The following RAP1B variants were observed in gnomAD, a reference collection of about 807,000 sequenced individuals.
RAP1B encodes ras-related protein Rap-1b.
Under a neutral mutation model 27.5 loss-of-function variants are expected in RAP1B, and 1 was observed. The observed-to-expected ratio is 0.04, with a 90% CI of 0.01 to 0.17. The LOEUF is 0.17. Ranked by LOEUF, RAP1B falls within the 10% of genes least tolerant of loss-of-function variation. RAP1B has a pLI of 1.00. For synonymous variants in RAP1B, 75 were observed against 73.1 expected, an observed-to-expected ratio of 1.03 and a Z score of -0.13; for missense variants, 84 against 214.8, an observed-to-expected ratio of 0.39 and a Z score of 3.81.
intron 1 of RAP1B, among the ~76,000 whole-genome samples, chr12:68,614,162 T>C (rs1489854540): frequency 6.6e-6 from 1 of 151,954 alleles, no homozygotes; most frequent in Non-Finnish European, 1.5e-5. Flanking sequence ...CACGTTCAGG[T>C]TTTTTTTGCC....
rs1874750441 is a variant in RAP1B, at chr12:68,664,221, A to G, written c.*4972A>G. On this transcript the variant is annotated 3_prime_UTR_variant, in exon 8 of 8. Coordinates refer to ENST00000250559, the MANE Select transcript of RAP1B (RefSeq NM_001010942.3). ...CACTTCAGTCAGGTTTCAGTTTTTA[A>G]ATAGGCAGAGATCAAAAGCCTCTAA... is the stretch of plus-strand genomic sequence containing the variant. The G allele has an allele frequency of 6.6e-6, 1 of 152,232 alleles. No individual in the cohort carries two copies. The allele number at this position is 152,232 out of a possible 1,614,324, so 9.4% of individuals were successfully genotyped here. A position where few individuals can be genotyped will look rare whatever the true frequency, so the allele number is the denominator to read the frequency against.
At chr12:68,614,662 G>A (rs531656668) in intron 1 of RAP1B, among the ~76,000 whole-genome samples, 2 of 152,306 alleles carry the variant, frequency 1.3e-5, no homozygotes, top group Admixed American at 6.5e-5. Flanking sequence ...GTTTTTGTTA[G>A]CCTTTTCAAA....
intron 7 of RAP1B, among the ~76,000 whole-genome samples, chr12:68,657,894 A>G (rs561388018): frequency 1.3e-5 from 2 of 150,740 alleles, no homozygotes; most frequent in East Asian, 3.9e-4. Context: ...CACACCCCTG[A>G]CATGTTCATC....
At chr12:68,629,038 T>C (rs753438827) in intron 1 of RAP1B, among the ~76,000 whole-genome samples, 5 of 152,226 alleles carry the variant, frequency 3.3e-5, no homozygotes, top group Non-Finnish European at 7.3e-5. Flanking sequence ...TGTCTCTGTC[T>C]ATTTTGAGAC....
At chr12:68,631,566 A>G (rs986914328) in intron 1 of RAP1B, among the ~76,000 whole-genome samples, 3 of 152,186 alleles carry the variant, frequency 2.0e-5, no homozygotes, top group Non-Finnish European at 4.4e-5. Context: ...TTATTTTCCT[A>G]TTCCTTTGTG....
chr12:68,669,938 T>TTTC lies in RAP1B; in HGVS notation c.*10691_*10692insCTT, dbSNP rs1875017278. 7.8e-6 allele frequency: 1 copy of TTTC among 128,776 alleles called. No individual in the cohort carries two copies. The highest frequency in any genetic ancestry group is 1.5e-5 in the Non-Finnish European group (1 of 65,300). 8.0% of individuals were successfully genotyped at this position (128,776 alleles called of 1,614,324 possible). On this transcript the variant is annotated 3_prime_UTR_variant, in exon 8 of 8. Transcript: ENST00000250559. ...AAAAATATATTTCTTTTTCTTTCTT[T>TTTC]TTTTTTTTTTTTTTTTTGAGACAGT...
Position 68,633,148 on chromosome 12 carries a change from A to G in RAP1B, c.-26-15551A>G, listed in dbSNP as rs534530613. Among the ~76,000 whole-genome samples the G allele has an allele frequency of 3.3e-5, 5 of 152,288 alleles. No homozygotes were observed. In the East Asian group the frequency reaches 9.6e-4, roughly 29 times the overall value. On this transcript the variant is annotated intron_variant, in intron 1 of 7. Coordinates refer to ENST00000250559, the MANE Select transcript of RAP1B (RefSeq NM_001010942.3). ...ACATCATCAGAGTTCATTGGGTGAC[A>G]TCTTACATCTAAAACCTTAAAACTA...
rs1286634287 is a variant in RAP1B at position 68,662,811 on chromosome 12, CAT to C, written c.*3564_*3565del. 1 of 151,712 alleles carries C rather than the reference CAT, an allele frequency of 6.6e-6. No homozygotes were observed. Among genetic ancestry groups the C allele is most frequent in the Non-Finnish European group, 1.5e-5 (1 of 67,960 alleles). The allele number at this position is 151,712 out of a possible 1,614,324, so 9.4% of individuals were successfully genotyped here. ...AAAACAAATCTGACAGCCTGGGCAA[CAT>C]AGACCCCATCTCTACAAAAAAAAAT... On this transcript the variant is annotated 3_prime_UTR_variant, in exon 8 of 8. Transcript: ENST00000250559.
rs1414538925 is a variant in RAP1B at position 68,666,362 on chromosome 12, G to C, written c.*7113G>C. On this transcript the variant is annotated 3_prime_UTR_variant, in exon 8 of 8. Transcript: ENST00000250559. Reference sequence around the variant, plus strand: ...TGTCCTAGTTTAAAAGTATATATTAGTTTCCTAGGGCTGCTGTAACAAATT... The same window carrying C: ...TGTCCTAGTTTAAAAGTATATATTACTTTCCTAGGGCTGCTGTAACAAATT... 6.6e-6 allele frequency: 1 copy of C among 152,120 alleles called. No individual in the cohort carries two copies. Among genetic ancestry groups the C allele is most frequent in the East Asian group, 1.9e-4 (1 of 5,200 alleles). 9.4% of individuals were successfully genotyped at this position (152,120 alleles called of 1,614,324 possible).
At chr12:68,627,719 A>G (rs1339362411) in intron 1 of RAP1B, among the ~76,000 whole-genome samples, 1 of 152,216 alleles carries the variant, frequency 6.6e-6, no homozygotes, top group East Asian at 1.9e-4. Flanking sequence ...ATAGATGTAC[A>G]GGGTATGTTA....
intron 1 of RAP1B, among the ~76,000 whole-genome samples, chr12:68,648,298 T>C (rs745943301): frequency 3.3e-5 from 5 of 152,212 alleles, no homozygotes; most frequent in African/African-American, 7.2e-5. Context: ...ACATATTATA[T>C]TTACCATTTA....
rs1354818930 is a variant in RAP1B, at chr12:68,665,194, G to A, written c.*5945G>A. ...GGGTATGGTACAGCAGGTAGTTATG[G>A]GGAGACCTCTACTGTTCTAAATGAG... On this transcript the variant is annotated 3_prime_UTR_variant, in exon 8 of 8. Transcript: ENST00000250559. 1 of 152,194 alleles carries A rather than the reference G, an allele frequency of 6.6e-6. No individual in the cohort carries two copies. The highest frequency in any genetic ancestry group is 1.9e-4 in the East Asian group (1 of 5,198). The allele number at this position is 152,194 out of a possible 1,614,324, so 9.4% of individuals were successfully genotyped here.
chr12:68,653,689 G>A (rs1261283276), intron 4 of RAP1B, among the ~76,000 whole-genome samples: 2 of 152,116 alleles, frequency 1.3e-5, no homozygotes, highest in Non-Finnish European at 2.9e-5. Context: ...AGCACTTTGG[G>A]AGGCCGAGAC....
intron 1 of RAP1B, among the ~76,000 whole-genome samples, chr12:68,612,756 T>TA: frequency 6.6e-6 from 1 of 152,346 alleles, no homozygotes; most frequent in Non-Finnish European, 1.5e-5. Context: ...GCCTGAATGA[T>TA]AGTCTTATTT....
rs1565677714 is a variant in RAP1B at position 68,662,563 on chromosome 12, ACTTTT to A, written c.*3319_*3323del. 1 of 151,900 alleles carries A rather than the reference ACTTTT, an allele frequency of 6.6e-6. No individual in the cohort carries two copies. The highest frequency in any genetic ancestry group is 2.4e-5 in the African/African-American group (1 of 41,354). The allele number at this position is 151,900 out of a possible 1,614,324, so 9.4% of individuals were successfully genotyped here. A position where few individuals can be genotyped will look rare whatever the true frequency, so the allele number is the denominator to read the frequency against. ...CTTAGAATCGAAACTCATCACTACA[ACTTTT>A]CTTTGAGTTAAACTCTTATCTGTGT... is the stretch of plus-strand genomic sequence containing the variant. On this transcript the variant is annotated 3_prime_UTR_variant, in exon 8 of 8. Coordinates refer to ENST00000250559, the MANE Select transcript of RAP1B (RefSeq NM_001010942.3).
chr12:68,612,906 A>G (rs1349787066), intron 1 of RAP1B, among the ~76,000 whole-genome samples: 1 of 152,182 alleles, frequency 6.6e-6, no homozygotes, highest in African/African-American at 2.4e-5. Flanking sequence ...GACGTTGACA[A>G]TAAATCGTGA....
At chr12:68,618,740 AT>A (rs148714104) in intron 1 of RAP1B, among the ~76,000 whole-genome samples, 3 of 151,560 alleles carry the variant, frequency 2.0e-5, no homozygotes, top group Admixed American at 6.6e-5. Context: ...ATGCACTCAG[AT>A]TTTTTTTTAA....
chr12:68,645,817 A>T (rs905258847), intron 1 of RAP1B, among the ~76,000 whole-genome samples: 1 of 152,252 alleles, frequency 6.6e-6, no homozygotes, highest in South Asian at 2.1e-4. Flanking sequence ...AATCTTGACT[A>T]TTGTACTGTT....
At chr12:68,616,156 G>C (rs537829177) in intron 1 of RAP1B, among the ~76,000 whole-genome samples, 1 of 152,078 alleles carries the variant, frequency 6.6e-6, no homozygotes, top group East Asian at 1.9e-4. Context: ...TAGAGACGGG[G>C]TTTCACTGTG....
Sources: allele counts gnomAD v4.1 joint callset (sites outside exome capture counted in the v4.1 genomes callset), GRCh38; gene constraint gnomAD v4.1.1; transcripts MANE v1.5; gene names NCBI Gene and HGNC (gene_info 2026-07-23, HGNC 2026-07-21).